LIMCH1: variants seen among roughly 807,000 people sequenced by gnomAD.
LIMCH1 encodes LIM and calponin homology domains 1, also known as LIM and calponin homology domains-containing protein 1.
In LIMCH1, 113 loss-of-function variants were observed where a neutral mutation model predicts 176.5. The ratio of observed to expected loss-of-function variants is 0.64; its 90% CI spans 0.55 to 0.75. The LOEUF is 0.75. LIMCH1 is among the 30% of genes least tolerant of loss of function. The probability of loss-of-function intolerance (pLI) is 0.00; values close to 1 mark genes in which losing one functional copy is unlikely to be tolerated. For missense variants in LIMCH1, 1,674 were observed against 1,814.9 expected, an observed-to-expected ratio of 0.92 and a Z score of 1.41; for synonymous variants, 619 against 645.9, an observed-to-expected ratio of 0.96 and a Z score of 0.63.
At chr4:41,554,698 G>C (rs760146417) in intron 1 of LIMCH1, among the ~76,000 whole-genome samples, 1 of 152,102 alleles carries the variant, frequency 6.6e-6, no homozygotes, top group Non-Finnish European at 1.5e-5. Flanking sequence ...ATATACTGCT[G>C]CCAAGTCTCA....
chr4:41,670,435 G>GTA (rs2094974372), intron 21 of LIMCH1, among the ~76,000 whole-genome samples: 1 of 152,110 alleles, frequency 6.6e-6, no homozygotes. Flanking sequence ...ATCATTTTGA[G>GTA]ATTTAACATT....
intron 1 of LIMCH1, among the ~76,000 whole-genome samples, chr4:41,546,100 C>G (rs1225510044): frequency 2.0e-5 from 3 of 152,042 alleles, no homozygotes; most frequent in South Asian, 2.1e-4. Context: ...AAATAGAAAA[C>G]TACCTTCCAT....
intron 7 of LIMCH1, among the ~76,000 whole-genome samples, chr4:41,622,152 T>A (rs1220743179): frequency 3.9e-5 from 6 of 152,144 alleles, no homozygotes; most frequent in African/African-American, 1.4e-4. Flanking sequence ...AATCTTTTTT[T>A]AAAACTCCAG....
At chr4:41,559,279 T>C (rs186311169) in intron 1 of LIMCH1, among the ~76,000 whole-genome samples, 20 of 152,270 alleles carry the variant, frequency 1.3e-4, no homozygotes, top group Admixed American at 5.2e-4. Context: ...TCTTCTGTCT[T>C]AGATGTTCCA....
chr4:41,690,659 C>T (rs2153081891), intron 30 of LIMCH1, among the ~76,000 whole-genome samples: 1 of 152,142 alleles, frequency 6.6e-6, no homozygotes, highest in Middle Eastern at 3.4e-3. Context: ...AAAATAACTC[C>T]CACTTTGCCT....
chr4:41,506,473 G>A (rs2074176462), intron 2 of LIMCH1, among the ~76,000 whole-genome samples: 1 of 152,138 alleles, frequency 6.6e-6, no homozygotes, highest in Non-Finnish European at 1.5e-5. Context: ...GGCACCAAGA[G>A]GCATAAAAAC....
intron 1 of LIMCH1, among the ~76,000 whole-genome samples, chr4:41,586,566 T>G (rs1423020409): frequency 1.3e-5 from 2 of 152,218 alleles, no homozygotes; most frequent in African/African-American, 4.8e-5. Flanking sequence ...TTTAAGCAGT[T>G]TTATTCTAAA....
intron 2 of LIMCH1, among the ~76,000 whole-genome samples, chr4:41,602,969 A>T (rs1272093726): frequency 6.6e-6 from 1 of 152,138 alleles, no homozygotes; most frequent in East Asian, 1.9e-4. Context: ...GTTTATTTCC[A>T]TGGTATGCTA....
rs374601540 is a variant in LIMCH1 at position 41,483,146 on chromosome 4, A to G, written c.97-11390A>G. ...GTGGGTAGAGGGGTAAGGTTGACAT[A>G]CAAAGGCAGGACCTAGGGATGAGAA... On this transcript the variant is annotated intron_variant, in intron 1 of 26. Coordinates refer to the LIMCH1 transcript ENST00000313860. Among the ~76,000 whole-genome samples the G allele has an allele frequency of 3.9e-5, 6 of 152,200 alleles. No individual in the cohort carries two copies. The East Asian group carries it at 7.7e-4, about 20-fold the overall frequency.
At chr4:41,452,131 C>T (rs890110351) in intron 1 of LIMCH1, among the ~76,000 whole-genome samples, 6 of 152,314 alleles carry the variant, frequency 3.9e-5, no homozygotes, top group African/African-American at 1.4e-4. Flanking sequence ...AAAGAACTGA[C>T]AAAAAGGCAA....
At chr4:41,520,829 C>T (rs1490391732) in intron 2 of LIMCH1, among the ~76,000 whole-genome samples, 1 of 152,094 alleles carries the variant, frequency 6.6e-6, no homozygotes, top group Non-Finnish European at 1.5e-5. Context: ...GCTAATTTTC[C>T]AGAAAATTCA....
chr4:41,380,825 A>T (rs544354640), intron 1 of LIMCH1, among the ~76,000 whole-genome samples: 1 of 152,358 alleles, frequency 6.6e-6, no homozygotes, highest in Non-Finnish European at 1.5e-5. Flanking sequence ...CTGTCTGCCA[A>T]CAACATCATT....
At chr4:41,684,961 C>T (rs772017060) in intron 27 of LIMCH1, among the ~76,000 whole-genome samples, 8 of 152,270 alleles carry the variant, frequency 5.3e-5, no homozygotes, top group African/African-American at 9.6e-5. Context: ...GTGTCTCCCA[C>T]GCTCCTGGCT....
intron 2 of LIMCH1, among the ~76,000 whole-genome samples, chr4:41,513,832 C>G (rs2075231875): frequency 6.7e-6 from 1 of 149,514 alleles, no homozygotes; most frequent in Admixed American, 6.6e-5. Context: ...TGGCAAAACC[C>G]CATTTCTACT....
At chr4:41,688,311 G>A (rs892744921) in intron 29 of LIMCH1, among the ~76,000 whole-genome samples, 1 of 152,188 alleles carries the variant, frequency 6.6e-6, no homozygotes, top group African/African-American at 2.4e-5. Flanking sequence ...GCTGACAAAC[G>A]AAACTTCATC....
chr4:41,500,268 G>C (rs932843666), intron 2 of LIMCH1, among the ~76,000 whole-genome samples: 2 of 152,168 alleles, frequency 1.3e-5, no homozygotes, highest in African/African-American at 4.8e-5. Context: ...ATACTTTCCT[G>C]AATCAGTCAT....
chr4:41,547,221 G>A (rs977131980), intron 1 of LIMCH1, among the ~76,000 whole-genome samples: 6 of 152,012 alleles, frequency 3.9e-5, no homozygotes, highest in East Asian at 1.9e-4. Context: ...AGCTATAGTC[G>A]CTGTGCTGTC....
In LIMCH1 at chr4:41,633,582, G is replaced by A. The variant is rs1562008234; in HGVS notation, c.1864G>A (p.Gly622Arg). 1.3e-6 allele frequency: 2 copies of A among 1,536,168 alleles called. No homozygotes were observed. The highest frequency in any genetic ancestry group is 1.7e-6 in the Non-Finnish European group (2 of 1,146,930). The stretch of plus-strand genomic sequence containing the variant: ...TCTGGCCTCTGAGTGTGAGGCTTCA[G>A]GGACAGAAGAGAAGTTGGAGAAGAT... ...CPLASECEAS[G>R]TEEKLEKMTA... is the part of the protein sequence containing the mutation. The change falls in exon 13 of 32, where the codon GGG becomes AGG. Residue 622 changes from glycine (G) to arginine (R), a missense_variant. Physicochemically the swap from Gly to Arg is moderately radical, Grantham distance 125. Around this residue, in one of 3 missense-constraint regions of LIMCH1, gnomAD observed 1,015 missense variants for 1,102.5 expected, o/e 0.92. Transcript: ENST00000503057.
chr4:41,463,737 G>A (rs1380974001), intron 1 of LIMCH1, among the ~76,000 whole-genome samples: 1 of 151,776 alleles, frequency 6.6e-6, no homozygotes, highest in Non-Finnish European at 1.5e-5. Context: ...GCTACCATGT[G>A]TGGCTAATTT....
Sources: gnomAD v4.1 joint callset for allele counts (sites outside exome capture counted in the v4.1 genomes callset) on GRCh38, gnomAD v4.1.1 for gene constraint, gnomAD v4.1.1 regional missense constraint, MANE v1.5 for transcripts, NCBI Gene and HGNC (gene_info 2026-07-23, HGNC 2026-07-21) for gene names.